The following LRMDA variants were observed in gnomAD, a reference collection of about 807,000 sequenced individuals.
LRMDA encodes leucine rich melanocyte differentiation associated.
LRMDA carries 18 observed loss-of-function variants against 29.8 expected under a neutral mutation model. That is an observed-to-expected ratio of 0.60 (90% CI 0.42 to 0.90). LRMDA has a LOEUF of 0.90. Ranked by LOEUF, LRMDA falls within the 40% of genes least tolerant of loss-of-function variation. The pLI is 0.00. For synonymous variants in LRMDA, 125 were observed against 109.4 expected (o/e 1.14, Z -0.89); for missense variants, 273 against 273.9 (o/e 1.00, Z 0.02).
At chr10:75,983,375 A>G (rs768134837) in intron 2 of LRMDA, among the ~76,000 whole-genome samples, 2 of 152,182 alleles carry the variant, frequency 1.3e-5, no homozygotes, top group Non-Finnish European at 2.9e-5. Context: ...CTCTCGAAAC[A>G]TGATCCCAGT....
chr10:75,824,318 A>C (rs189105379), intron 2 of LRMDA, among the ~76,000 whole-genome samples: 105 of 152,272 alleles, frequency 6.9e-4, no homozygotes, highest in African/African-American at 2.3e-3. Context: ...GCTGGTCTAG[A>C]TCAGGATTCA....
At chr10:75,891,360 G>A (rs1845488156) in intron 2 of LRMDA, among the ~76,000 whole-genome samples, 1 of 152,204 alleles carries the variant, frequency 6.6e-6, no homozygotes, top group African/African-American at 2.4e-5. Context: ...TGATTGTTGG[G>A]TCCCATCCCA....
intron 6 of LRMDA, among the ~76,000 whole-genome samples, chr10:76,524,900 C>T (rs1427459672): frequency 6.6e-6 from 1 of 152,094 alleles, no homozygotes; most frequent in Non-Finnish European, 1.5e-5. Context: ...ATAAAATAAA[C>T]TAAATATGTC....
intron 2 of LRMDA, among the ~76,000 whole-genome samples, chr10:75,591,384 C>T (rs191980619): frequency 1.3e-5 from 2 of 152,270 alleles, no homozygotes; most frequent in African/African-American, 2.4e-5. Flanking sequence ...GCTTTGTATC[C>T]TCACGGTTGT....
chr10:76,209,437 G>A (rs552778423), intron 5 of LRMDA, among the ~76,000 whole-genome samples: 3 of 152,274 alleles, frequency 2.0e-5, no homozygotes, highest in South Asian at 2.1e-4. Context: ...TTCGTCTTCT[G>A]TTGGGGGTGT....
chr10:76,176,332 A>G (rs1420884093), intron 5 of LRMDA, among the ~76,000 whole-genome samples: 2 of 152,192 alleles, frequency 1.3e-5, no homozygotes, highest in South Asian at 2.1e-4. Flanking sequence ...AAGAAGGGAT[A>G]AGATCAAAGG....
intron 2 of LRMDA, among the ~76,000 whole-genome samples, chr10:76,009,880 G>C (rs1225379076): frequency 7.3e-6 from 1 of 137,708 alleles, no homozygotes; most frequent in Non-Finnish European, 1.5e-5. Context: ...TCTTCCCCCT[G>C]TCAGAACTCA....
intron 2 of LRMDA, among the ~76,000 whole-genome samples, chr10:75,681,902 T>C (rs1842027696): frequency 1.3e-5 from 2 of 152,116 alleles, no homozygotes; most frequent in South Asian, 4.1e-4. Flanking sequence ...GCTTTTGAAT[T>C]TTTCCCAGGA....
intron 4 of LRMDA, among the ~76,000 whole-genome samples, chr10:76,056,030 G>A (rs909563146): frequency 1.3e-5 from 2 of 152,222 alleles, no homozygotes; most frequent in Non-Finnish European, 2.9e-5. Context: ...CCAGATCCAG[G>A]AAGAATGAAG....
intron 5 of LRMDA, among the ~76,000 whole-genome samples, chr10:76,241,159 T>G (rs185283068): frequency 1.3e-5 from 2 of 152,186 alleles, no homozygotes; most frequent in Admixed American, 1.3e-4. Context: ...TTAGGTACAG[T>G]GTACACTTTG....
At chr10:76,271,865 T>C (rs982135739) in intron 5 of LRMDA, among the ~76,000 whole-genome samples, 7 of 152,212 alleles carry the variant, frequency 4.6e-5, no homozygotes, top group African/African-American at 1.7e-4. Context: ...CATATACTTG[T>C]GACCATGGGA....
intron 2 of LRMDA, among the ~76,000 whole-genome samples, chr10:75,556,547 A>G (rs894939427): frequency 2.6e-5 from 4 of 152,244 alleles, no homozygotes; most frequent in Admixed American, 6.5e-5. Flanking sequence ...ATCCTCAGCA[A>G]GCAAACAGCA....
At chr10:75,911,111 C>T (rs1291550350) in intron 2 of LRMDA, among the ~76,000 whole-genome samples, 1 of 152,044 alleles carries the variant, frequency 6.6e-6, no homozygotes, top group Non-Finnish European at 1.5e-5. Flanking sequence ...TGTCTGGTGT[C>T]CTAGGAGAGT....
rs572881040 is a variant in LRMDA at position 76,006,983 on chromosome 10, C to CGTGTGTGTGTGTGTGTGT, written c.132-28993_132-28976dup. Among the ~76,000 whole-genome samples, 545 of 116,152 alleles carry CGTGTGTGTGTGTGTGTGT rather than the reference C, an allele frequency of 4.7e-3. 23 individuals carry two copies. The highest frequency in any genetic ancestry group is 0.021 in the East Asian group (67 of 3,182). 76.2% of individuals were successfully genotyped at this position (116,152 alleles called of 152,430 possible). On this transcript the variant is annotated intron_variant, in intron 2 of 6. Coordinates refer to ENST00000611255, the MANE Select transcript of LRMDA (RefSeq NM_001305581.2). ...GCTAAAGTTTGCAGGATGGAGAAGG[C>CGTGTGTGTGTGTGTGTGT]GTGTGTGTGTGTGTGTGTGTGTGTG...
intron 5 of LRMDA, among the ~76,000 whole-genome samples, chr10:76,236,312 C>A (rs946570182): frequency 6.6e-6 from 1 of 152,118 alleles, no homozygotes; most frequent in Non-Finnish European, 1.5e-5. Context: ...TATTTGCATC[C>A]CCATTGTTCC....
chr10:75,513,132 T>C (rs1313935782), intron 2 of LRMDA, among the ~76,000 whole-genome samples: 1 of 152,214 alleles, frequency 6.6e-6, no homozygotes, highest in African/African-American at 2.4e-5. Flanking sequence ...CAGGGCCATC[T>C]GACTTGAAGG....
chr10:75,743,434 G>T (rs1842854041), intron 2 of LRMDA: 1 of 152,338 alleles, frequency 6.6e-6, no homozygotes, highest in East Asian at 1.9e-4. Flanking sequence ...GTTTCGTCTG[G>T]TAACTCCTAA....
chr10:76,170,679 G>T (rs114223989), intron 5 of LRMDA, among the ~76,000 whole-genome samples: 1,774 of 152,236 alleles, frequency 0.012, 38 homozygotes, highest in African/African-American at 0.041. Flanking sequence ...TCATATAAAG[G>T]AAACTATATC....
At chr10:75,727,309 G>A (rs939481165) in intron 2 of LRMDA, among the ~76,000 whole-genome samples, 10 of 152,196 alleles carry the variant, frequency 6.6e-5, no homozygotes, top group African/African-American at 2.4e-4. Context: ...GCGTGTGTAT[G>A]TGTGTTTGGG....
Sources: allele counts gnomAD v4.1 joint callset (sites outside exome capture counted in the v4.1 genomes callset), GRCh38; gene constraint gnomAD v4.1.1; transcripts MANE v1.5; gene names NCBI Gene and HGNC (gene_info 2026-07-23, HGNC 2026-07-21).